The following RNLS variants were observed in gnomAD, a reference collection of about 807,000 sequenced individuals.
RNLS encodes renalase.
A neutral mutation model predicts 39.8 loss-of-function variants in RNLS; 39 were observed. That is an observed-to-expected ratio of 0.98 (90% CI 0.76 to 1.28). RNLS has a LOEUF of 1.28. RNLS is among the 50% of genes most tolerant of loss of function. RNLS has a pLI of 0.00. For synonymous variants in RNLS, 147 were observed against 150.7 expected (o/e 0.98, Z 0.18); for missense variants, 410 against 413.3 (o/e 0.99, Z 0.07).
At chr10:88,528,128 G>C (rs1185691141) in intron 4 of RNLS, among the ~76,000 whole-genome samples, 2 of 151,908 alleles carry the variant, frequency 1.3e-5, no homozygotes, top group Non-Finnish European at 1.5e-5. Context: ...TATTGGCACA[G>C]GGCTACAAAA....
intron 5 of RNLS, among the ~76,000 whole-genome samples, chr10:88,334,011 G>T (rs187045118): frequency 6.6e-6 from 1 of 152,128 alleles, no homozygotes; most frequent in East Asian, 1.9e-4. Flanking sequence ...CCTGTCTAAG[G>T]TATTTTGTTA....
At chr10:88,572,495 T>C (rs1420932380) in intron 4 of RNLS, among the ~76,000 whole-genome samples, 3 of 152,170 alleles carry the variant, frequency 2.0e-5, no homozygotes, top group Non-Finnish European at 2.9e-5. Flanking sequence ...AGCTAGACAA[T>C]TGCCTCAGAC....
intron 3 of RNLS, 98 bp downstream of exon 3, chr10:88,581,469 A>G: frequency 9.6e-7 from 1 of 1,038,940 alleles, no homozygotes; most frequent in Non-Finnish European, 1.4e-6. Flanking sequence ...AGCACCTAAT[A>G]TTTATAATTT....
chr10:88,524,948 G>GGC (rs1846995435), intron 4 of RNLS, among the ~76,000 whole-genome samples: 3 of 30,114 alleles, frequency 1.0e-4, no homozygotes, highest in East Asian at 1.7e-3. Context: ...ATATATATAT[G>GGC]GCACACACAT....
At chr10:88,312,504 T>C (rs1478798933) in intron 6 of RNLS, among the ~76,000 whole-genome samples, 5 of 152,152 alleles carry the variant, frequency 3.3e-5, no homozygotes, top group Non-Finnish European at 7.4e-5. Flanking sequence ...GAGAATTTGT[T>C]ACAACAACAA....
intron 5 of RNLS, among the ~76,000 whole-genome samples, chr10:88,341,072 C>CAA (rs1463573978): frequency 8.6e-6 from 1 of 115,630 alleles, no homozygotes; most frequent in East Asian, 2.5e-4. Flanking sequence ...AAAAAAAAAA[C>CAA]AAAAAACAGC....
intron 5 of RNLS, among the ~76,000 whole-genome samples, chr10:88,346,256 T>G (rs1261996049): frequency 6.6e-6 from 1 of 152,140 alleles, no homozygotes; most frequent in Non-Finnish European, 1.5e-5. Context: ...TTCTTTGAAG[T>G]GTAACCTTGG....
intron 6 of RNLS, chr10:88,309,513 T>C: frequency 8.2e-7 from 1 of 1,214,346 alleles, no homozygotes; most frequent in Non-Finnish European, 1.1e-6. Flanking sequence ...CATTGCACAT[T>C]TCCCCTTTTC....
intron 3 of RNLS, among the ~76,000 whole-genome samples, chr10:88,575,419 T>C (rs1850143736): frequency 6.6e-6 from 1 of 151,624 alleles, no homozygotes; most frequent in Non-Finnish European, 1.5e-5. Context: ...TCGCAATCCA[T>C]GTTTAACAAG....
At chr10:88,468,277 C>T (rs1843324600) in intron 4 of RNLS, among the ~76,000 whole-genome samples, 1 of 152,150 alleles carries the variant, frequency 6.6e-6, no homozygotes, top group Non-Finnish European at 1.5e-5. Context: ...TAATGACTAG[C>T]ATAACATGAT....
chr10:88,190,553 T>C, the RNLS span, among the ~76,000 whole-genome samples: 2 of 152,240 alleles, frequency 1.3e-5, no homozygotes, highest in Non-Finnish European at 2.9e-5. Flanking sequence ...TGAACCCACA[T>C]GTAATAAAAT....
intron 6 of RNLS, among the ~76,000 whole-genome samples, chr10:88,304,281 C>T (rs1014376587): frequency 2.0e-5 from 3 of 152,142 alleles, no homozygotes; most frequent in African/African-American, 7.2e-5. Context: ...ACTCAAAAAG[C>T]CAGAGTGCCT....
chr10:88,301,224 C>A (rs961241964), intron 6 of RNLS, among the ~76,000 whole-genome samples: 1 of 152,090 alleles, frequency 6.6e-6, no homozygotes, highest in Admixed American at 6.5e-5. Flanking sequence ...GGGGAAATAC[C>A]TGCCTATATA....
chr10:88,192,779 T>C, the RNLS span, among the ~76,000 whole-genome samples: 6 of 152,260 alleles, frequency 3.9e-5, no homozygotes, highest in Non-Finnish European at 5.9e-5. Flanking sequence ...ACTTTTGTGC[T>C]GTCTTCTACT....
chr10:88,505,523 G>A (rs920800010), intron 4 of RNLS, among the ~76,000 whole-genome samples: 4 of 150,488 alleles, frequency 2.7e-5, no homozygotes, highest in Admixed American at 1.3e-4. Context: ...AGAAAAGGAA[G>A]GATTCAAGGA....
intron 5 of RNLS, among the ~76,000 whole-genome samples, chr10:88,331,888 C>T: frequency 6.6e-6 from 1 of 152,146 alleles, no homozygotes; most frequent in East Asian, 1.9e-4. Flanking sequence ...AAAAATCTAA[C>T]TTTCCCTGGA....
intron 6 of RNLS, chr10:88,309,279 TA>T: frequency 4.6e-6 from 2 of 431,760 alleles, no homozygotes; most frequent in Non-Finnish European, 6.2e-6. Flanking sequence ...ACTTAAAAGT[TA>T]AAAAATAAGG....
intron 6 of RNLS, among the ~76,000 whole-genome samples, chr10:88,289,654 A>G (rs1231009120): frequency 6.6e-6 from 1 of 152,146 alleles, no homozygotes; most frequent in Non-Finnish European, 1.5e-5. Flanking sequence ...TGATCTTTGT[A>G]TCCAAGGCTG....
chr10:88,251,504 T>C, the RNLS span, among the ~76,000 whole-genome samples: 1 of 152,256 alleles, frequency 6.6e-6, no homozygotes, highest in Non-Finnish European at 1.5e-5. Context: ...TTAATCTCTA[T>C]GGCCCCACAG....
Sources: allele counts gnomAD v4.1 joint callset (sites outside exome capture counted in the v4.1 genomes callset), GRCh38; gene constraint gnomAD v4.1.1; transcripts MANE v1.5; gene names NCBI Gene and HGNC (gene_info 2026-07-23, HGNC 2026-07-21).